FBXO41: variants seen among roughly 807,000 people sequenced by gnomAD.
FBXO41 encodes the protein F-box only protein 41.
In FBXO41, 33 loss-of-function variants were observed where a neutral mutation model predicts 81.6. The observed-to-expected ratio is 0.40, with a 90% CI of 0.31 to 0.54. FBXO41 has a LOEUF of 0.54. Ranked by LOEUF, FBXO41 falls within the 20% of genes least tolerant of loss-of-function variation. The probability of loss-of-function intolerance (pLI) is 0.39; values close to 1 mark genes in which losing one functional copy is unlikely to be tolerated. For missense variants in FBXO41, 1,107 were observed against 1,236.0 expected (o/e 0.90, Z 1.56); for synonymous variants, 576 against 552.7 (o/e 1.04, Z -0.59).
At chr2:73,264,898 ACACC>A (rs886466576) in intron 5 of FBXO41, among the ~76,000 whole-genome samples, 1 of 151,984 alleles carries the variant, frequency 6.6e-6, no homozygotes, top group African/African-American at 2.4e-5. Context: ...GGGTGTGGCT[ACACC>A]CCTGACCCTA....
rs1354546988 is a variant in FBXO41 at position 73,269,492 on chromosome 2, T to C, written c.139A>G (p.Ile47Val). 4.6e-6 allele frequency: 6 copies of C among 1,300,960 alleles called. No individual in the cohort carries two copies. The highest frequency in any genetic ancestry group is 5.9e-6 in the Non-Finnish European group (6 of 1,017,784). The allele number at this position is 1,300,960 out of a possible 1,614,324, so 80.6% of individuals were successfully genotyped here. Residue 47 changes from isoleucine (I) to valine (V), a missense_variant, in exon 2 of 13, where the codon ATC (isoleucine) becomes GTC (valine). Ile to Val is a conservative substitution (Grantham distance 29). Transcript: ENST00000520530. This position sits in a 1 kb window ranked among gnomAD's most constrained non-coding sequence, Gnocchi z 7.0. ...GCGGCGGCGGCGGCGCCGTCGCAGATGCTGTTGGTCTTGGAGAGGATGTAG... is the reference window on the plus strand; with the variant it reads ...GCGGCGGCGGCGGCGCCGTCGCAGACGCTGTTGGTCTTGGAGAGGATGTAG... ...TLYILSKTNS[I>V]CDGAAAAAAA...
Position 73,263,270 on chromosome 2 carries a change from G to A in FBXO41, c.2114C>T (p.Ala705Val). Residue 705 changes from alanine to valine, a missense_variant, in exon 9 of 13, where the codon GCC becomes GTC. Physicochemically the swap from Ala to Val is moderately conservative, Grantham distance 64 (BLOSUM62 0). This residue lies in a region of FBXO41 where 336 missense variants were observed against 446.7 expected (regional missense o/e 0.75). Coordinates refer to ENST00000520530, the MANE Select transcript of FBXO41 (RefSeq NM_001371389.2). ...TDPVGHEVIW[A>V]LGAGCREIVS... ...GATCTCTCTGCAGCCTGCGCCCAGG[G>A]CCCAAATGACCTCATGGCCCACGGG... is the stretch of plus-strand genomic sequence containing the variant. 6.4e-7 allele frequency: 1 copy of A among 1,553,376 alleles called. No individual in the cohort carries two copies. Among genetic ancestry groups the A allele is most frequent in the Non-Finnish European group, 8.7e-7 (1 of 1,148,800 alleles).
At chr2:73,261,948 C>T (rs1449426320) in intron 9 of FBXO41, among the ~76,000 whole-genome samples, 4 of 150,902 alleles carry the variant, frequency 2.7e-5, no homozygotes, top group Admixed American at 6.6e-5. Context: ...TAGGGCTGGG[C>T]GCGGTGGCTT....
In FBXO41 at chr2:73,276,558, T is replaced by TG. The variant is rs1212298974; in HGVS notation, c.-138-6791_-138-6790insC. Among the ~76,000 whole-genome samples, 576 of 106,004 alleles carry TG rather than the reference T, an allele frequency of 5.4e-3. 6 individuals carry two copies. The highest frequency in any genetic ancestry group is 0.018 in the African/African-American group (511 of 29,038). The allele number at this position is 106,004 out of a possible 152,430, so 69.5% of individuals were successfully genotyped here. ...AATAAACAGCTCTCTGGCAAATCTA[T>TG]TCAGAGAGAGAGAGAGAGAGAGAGA... On this transcript the variant is annotated intron_variant, in intron 1 of 12. Coordinates refer to ENST00000520530, the MANE Select transcript of FBXO41 (RefSeq NM_001371389.2).
Position 73,264,018 on chromosome 2 carries a change from G to A in FBXO41, c.1842C>T (p.Ala614=), listed in dbSNP as rs1466177179. 1 of 1,601,682 alleles carries A rather than the reference G, an allele frequency of 6.2e-7. No homozygotes were observed. Among genetic ancestry groups the A allele is most frequent in the Non-Finnish European group, 8.5e-7 (1 of 1,173,890 alleles). The change falls in exon 7 of 13, where the codon GCC becomes GCT. Residue 614 remains alanine (A), a synonymous_variant. Coordinates refer to ENST00000520530, the MANE Select transcript of FBXO41 (RefSeq NM_001371389.2). ...LAMLAQWCTQ[A]HSLTLQNLKP... ...TCAAGTTCTGCAGCGTCAGAGAGTG[G>A]GCCTGGGTGCACCACTGAGCCAGCA...
intron 1 of FBXO41, chr2:73,271,537 CA>C (rs1688490122): frequency 6.6e-6 from 1 of 151,154 alleles, no homozygotes; most frequent in African/African-American, 2.5e-5. Context: ...CCCAAAGAAG[CA>C]AAACTTAGAT....
In FBXO41 at chr2:73,284,478, T is replaced by A. The variant is rs1184637724; in HGVS notation, c.-457A>T. ...AAGGGGGAGGGAGGCAGCACCGAGG[T>A]GGGGCGGAGCCGGCCCCTCCTCCGG... On this transcript the variant is annotated 5_prime_UTR_variant, in exon 1 of 13. Coordinates refer to ENST00000520530, the MANE Select transcript of FBXO41 (RefSeq NM_001371389.2). The surrounding 1 kb of genome is among the most constrained non-coding windows in gnomAD (Gnocchi z 7.4). 1 of 150,634 alleles carries A rather than the reference T, an allele frequency of 6.6e-6. No individual in the cohort carries two copies. The highest frequency in any genetic ancestry group is 6.6e-5 in the Admixed American group (1 of 15,200). 9.3% of individuals were successfully genotyped at this position (150,634 alleles called of 1,614,324 possible). A position where few individuals can be genotyped will look rare whatever the true frequency, so the allele number is the denominator to read the frequency against.
rs1291082401 is a variant in FBXO41 at position 73,265,539 on chromosome 2, C to A, written c.1307G>T (p.Gly436Val). 1.9e-6 allele frequency: 3 copies of A among 1,594,542 alleles called. No individual in the cohort carries two copies. Among genetic ancestry groups the A allele is most frequent in the Non-Finnish European group, 1.7e-6 (2 of 1,171,648 alleles). Reference sequence around the variant, plus strand: ...GGCCCGTGTGCCCAAGCCCCCAGGGCCACTGTCCTCAGGGGCCCCCTCCTC... The same window carrying A: ...GGCCCGTGTGCCCAAGCCCCCAGGGACACTGTCCTCAGGGGCCCCCTCCTC... ...RPEEGAPEDS[G>V]PGGLGTRAQA... Residue 436 changes from glycine to valine, a missense_variant, in exon 5 of 13, where the codon GGC becomes GTC. By Grantham distance (109) the Gly-to-Val change is moderately radical. Coordinates refer to ENST00000520530, the MANE Select transcript of FBXO41 (RefSeq NM_001371389.2).
At chr2:73,283,267 G>A (rs544691184) in intron 1 of FBXO41, among the ~76,000 whole-genome samples, 2 of 152,262 alleles carry the variant, frequency 1.3e-5, no homozygotes, top group South Asian at 4.1e-4. Context: ...CTCCACACCT[G>A]TGGCTGTGGC....
rs946650881 is a variant in FBXO41 at position 73,265,420 on chromosome 2, G to C, written c.1426C>G (p.Arg476Gly). Residue 476 changes from arginine to glycine, a missense_variant, in exon 5 of 13, where the codon CGA becomes GGA. Arg to Gly is a moderately radical substitution (Grantham distance 125). Coordinates refer to ENST00000520530, the MANE Select transcript of FBXO41 (RefSeq NM_001371389.2). ...CCCTCTTCCCCCTCAGTGCTGTGTC[G>C]GCGGGGTCTGCGCTGCCAGTTCTGG... ...AIQNWQRRPR[R>G]HSTEGEEGDV... is the part of the protein sequence containing the mutation. 1.2e-6 allele frequency: 2 copies of C among 1,609,082 alleles called. No individual in the cohort carries two copies. Among genetic ancestry groups the C allele is most frequent in the South Asian group, 1.1e-5 (1 of 91,062 alleles).
Position 73,259,259 on chromosome 2 carries a change from A to G in FBXO41, c.2487T>C (p.Ile829=). The G allele has an allele frequency of 6.2e-7, 1 of 1,613,988 alleles. No individual in the cohort carries two copies. The highest frequency in any genetic ancestry group is 1.1e-5 in the South Asian group (1 of 91,086). ...GCTCTTTGAAATAATCCGCAATCCCAATCTGGACCACAATGGACTTGAGGT... is the reference window on the plus strand; with the variant it reads ...GCTCTTTGAAATAATCCGCAATCCCGATCTGGACCACAATGGACTTGAGGT... ...CRNLKSIVVQ[I]GIADYFKEPS... is the part of the protein sequence containing the mutation. The change falls in exon 12 of 13, where the codon ATT becomes ATC. Residue 829 remains isoleucine (I), a synonymous_variant. Transcript: ENST00000520530. The surrounding 1 kb of genome is among the most constrained non-coding windows in gnomAD (Gnocchi z 4.2).
At position 73,265,973 on chromosome 2, in the gene FBXO41, G is replaced by A; in HGVS notation, c.1132-7C>T. 6.4e-7 allele frequency: 1 copy of A among 1,566,492 alleles called. No individual in the cohort carries two copies. Among genetic ancestry groups the A allele is most frequent in the South Asian group, 1.2e-5 (1 of 85,136 alleles). On this transcript the variant is annotated splice_region_variant and splice_polypyrimidine_tract_variant and intron_variant, in intron 3 of 12. Coordinates refer to ENST00000520530, the MANE Select transcript of FBXO41 (RefSeq NM_001371389.2). ...GGCCCACGTGGTGTTCTCGCTGTGG[G>A]CCCCCAGAGCAGGAGGTAAAGGAGA...
chr2:73,276,597 A>G (rs998508399), intron 1 of FBXO41, among the ~76,000 whole-genome samples: 3 of 105,702 alleles, frequency 2.8e-5, no homozygotes, highest in African/African-American at 4.1e-5. Context: ...AGAGAGAGAG[A>G]GAGAGAGGGA....
intron 1 of FBXO41, among the ~76,000 whole-genome samples, chr2:73,282,950 C>G (rs1025348337): frequency 1.3e-5 from 2 of 152,202 alleles, no homozygotes; most frequent in Admixed American, 6.5e-5. Flanking sequence ...CAGGGCCCAA[C>G]AGTTCTTTCC....
intron 9 of FBXO41, 35 bp downstream of exon 9, chr2:73,263,178 C>A (rs1278977599): frequency 2.6e-6 from 4 of 1,527,334 alleles, no homozygotes; most frequent in Admixed American, 2.0e-5. Context: ...CCAACCGTGT[C>A]CCCCCTCCTA....
At chr2:73,277,272 A>G (rs548663384) in intron 1 of FBXO41, among the ~76,000 whole-genome samples, 1 of 152,238 alleles carries the variant, frequency 6.6e-6, no homozygotes, top group South Asian at 2.1e-4. Flanking sequence ...ATCTTAGGAA[A>G]ATTTTTGTCT....
chr2:73,279,675 G>A (rs1558593935), intron 1 of FBXO41, among the ~76,000 whole-genome samples: 1 of 152,144 alleles, frequency 6.6e-6, no homozygotes. Context: ...TGGCTGATGT[G>A]GGCTGAGGAG....
At position 73,255,679 on chromosome 2, in the gene FBXO41, G is replaced by C. The variant is rs903969290; in HGVS notation, c.*3303C>G. 1 of 152,628 alleles carries C rather than the reference G, an allele frequency of 6.6e-6. No homozygotes were observed. The highest frequency in any genetic ancestry group is 2.4e-5 in the African/African-American group (1 of 41,440). 9.5% of individuals were successfully genotyped at this position (152,628 alleles called of 1,614,324 possible). ...CCTCCTTCAACTTAGCGCCTTAGAG[G>C]GATTGGGGCCCGGGTGACTCCCCAC... On this transcript the variant is annotated 3_prime_UTR_variant, in exon 13 of 13. Coordinates refer to ENST00000520530, the MANE Select transcript of FBXO41 (RefSeq NM_001371389.2).
Position 73,266,576 on chromosome 2 carries a change from G to A in FBXO41, c.1012C>T (p.Arg338Cys), listed in dbSNP as rs747946188. 9.9e-6 allele frequency: 16 copies of A among 1,611,002 alleles called. No individual in the cohort carries two copies. The highest frequency in any genetic ancestry group is 5.0e-5 in the Admixed American group (3 of 59,876). ...ATGACCTGCAGCTGCCGCTCGGCACGGTCAGCCCGCTCAAGGAGCTCCTCA... is the reference window on the plus strand; with the variant it reads ...ATGACCTGCAGCTGCCGCTCGGCACAGTCAGCCCGCTCAAGGAGCTCCTCA... ...FIEELLERAD[R>C]AERQLQVISS... is the part of the protein sequence containing the mutation. The change falls in exon 3 of 13, where the codon CGT becomes TGT. Residue 338 changes from arginine (R) to cysteine (C), a missense_variant. By Grantham distance (180) the Arg-to-Cys change is radical (BLOSUM62 -3). This residue lies in a region of FBXO41 where 771 missense variants were observed against 789.2 expected (regional missense o/e 0.98). Coordinates refer to ENST00000520530, the MANE Select transcript of FBXO41 (RefSeq NM_001371389.2). This position sits in a 1 kb window ranked among gnomAD's most constrained non-coding sequence, Gnocchi z 5.3.
Sources: allele counts gnomAD v4.1 joint callset (sites outside exome capture counted in the v4.1 genomes callset), GRCh38; gene constraint gnomAD v4.1.1; regional missense constraint gnomAD v4.1.1; non-coding constraint Gnocchi (gnomAD v3.1); transcripts MANE v1.5; gene names NCBI Gene and HGNC (gene_info 2026-07-23, HGNC 2026-07-21).